The following C10orf71 variants were observed in gnomAD, a reference collection of about 807,000 sequenced individuals.
C10orf71 encodes cardiac-enriched FHL2-interacting protein.
For missense variants in C10orf71, 1,869 were observed against 1,804.5 expected (o/e 1.04, Z -0.65); for synonymous variants, 758 against 726.3 (o/e 1.04, Z -0.70).
Position 49,325,112 on chromosome 10 carries a change from C to A in C10orf71, c.2567C>A (p.Thr856Lys). ...SSASNRHMLFTIKDNTLRATP... is the reference protein window; with the variant it reads ...SSASNRHMLFKIKDNTLRATP... The stretch of plus-strand genomic sequence containing the variant: ...GCTTCAAACAGGCACATGCTGTTTA[C>A]GATTAAAGACAACACCCTCAGAGCT... Residue 856 changes from threonine to lysine, a missense_variant, in exon 3 of 3, where the codon ACG becomes AAG. Coordinates refer to ENST00000374144, the MANE Select transcript of C10orf71 (RefSeq NM_001135196.2). 1 of 1,552,030 alleles carries A rather than the reference C, an allele frequency of 6.4e-7. No individual in the cohort carries two copies.
In C10orf71 at chr10:49,327,095, C is replaced by T; in HGVS notation, c.*242C>T. 1 of 1,407,526 alleles carries T rather than the reference C, an allele frequency of 7.1e-7. No individual in the cohort carries two copies. Among genetic ancestry groups the T allele is most frequent in the Non-Finnish European group, 9.5e-7 (1 of 1,052,634 alleles). The allele number at this position is 1,407,526 out of a possible 1,614,324, so 87.2% of individuals were successfully genotyped here. On this transcript the variant is annotated 3_prime_UTR_variant, in exon 3 of 3. Transcript: ENST00000374144. ...GGCACTGCTTGCTTGGCCCGGTCCC[C>T]TCCGTGCCAGTTCCCAGGCGCACTC...
chr10:49,327,085 G>T lies in C10orf71; in HGVS notation c.*232G>T. ...CTGATGGAGGGGCACTGCTTGCTTG[G>T]CCCGGTCCCCTCCGTGCCAGTTCCC... On this transcript the variant is annotated 3_prime_UTR_variant, in exon 3 of 3. Transcript: ENST00000374144. The T allele has an allele frequency of 6.9e-7, 1 of 1,453,672 alleles. No homozygotes were observed. The highest frequency in any genetic ancestry group is 9.2e-7 in the Non-Finnish European group (1 of 1,084,884). The allele number at this position is 1,453,672 out of a possible 1,614,324, so 90.0% of individuals were successfully genotyped here. A position where few individuals can be genotyped will look rare whatever the true frequency, so the allele number is the denominator to read the frequency against.
chr10:49,325,371 G>A lies in C10orf71; in HGVS notation c.2826G>A (p.Ser942=), dbSNP rs752544379. 6 of 1,551,580 alleles carry A rather than the reference G, an allele frequency of 3.9e-6. No individual in the cohort carries two copies. The highest frequency in any genetic ancestry group is 1.4e-5 in the African/African-American group (1 of 73,058). Reference sequence around the variant, plus strand: ...TCATGGAGGACCCTGGGCAGGGGTCGAGCATGGCCAGGATGGAGGCCTCTC... The same window carrying A: ...TCATGGAGGACCCTGGGCAGGGGTCAAGCATGGCCAGGATGGAGGCCTCTC... ...NEVMEDPGQG[S]SMARMEASQP... Residue 942 remains serine (S), a synonymous_variant, in exon 3 of 3, where the codon TCG becomes TCA. Coordinates refer to ENST00000374144, the MANE Select transcript of C10orf71 (RefSeq NM_001135196.2).
In C10orf71 at chr10:49,326,989, T is replaced by C. The variant is rs746901283; in HGVS notation, c.*136T>C. The C allele has an allele frequency of 5.1e-6, 8 of 1,556,392 alleles. No individual in the cohort carries two copies. In the African/African-American group the frequency reaches 1.2e-4, roughly 23 times the overall value. On this transcript the variant is annotated 3_prime_UTR_variant, in exon 3 of 3. Coordinates refer to ENST00000374144, the MANE Select transcript of C10orf71 (RefSeq NM_001135196.2). ...ATCATCAACACATACTTAGCCTTTT[T>C]AGATCCATAAAGTCCAGAAGGCAGT... is the stretch of plus-strand genomic sequence containing the variant.
At chr10:49,309,720 C>T (rs1236582204) in intron 1 of C10orf71, among the ~76,000 whole-genome samples, 2 of 152,218 alleles carry the variant, frequency 1.3e-5, no homozygotes, top group Middle Eastern at 3.4e-3. Context: ...GGATGGAGGA[C>T]CATCTGTGAG....
chr10:49,315,969 T>C (rs935043860), intron 1 of C10orf71, among the ~76,000 whole-genome samples, 176 bp from the exon 2 acceptor site: 7 of 152,256 alleles, frequency 4.6e-5, no homozygotes, highest in Middle Eastern at 3.4e-3. Context: ...GGAAGGAGAA[T>C]TGCTTGAACC....
chr10:49,317,487 G>A (rs114462551), intron 2 of C10orf71, among the ~76,000 whole-genome samples: 111 of 152,346 alleles, frequency 7.3e-4, no homozygotes, highest in African/African-American at 2.6e-3. Flanking sequence ...GGCTGTTACA[G>A]ACGTATTGTA....
intron 1 of C10orf71, among the ~76,000 whole-genome samples, chr10:49,315,384 T>C (rs1848982669): frequency 1.3e-5 from 2 of 152,152 alleles, no homozygotes; most frequent in Non-Finnish European, 2.9e-5. Flanking sequence ...GGGCAGCTTT[T>C]TGGTTCTTTT....
At position 49,322,679 on chromosome 10, in the gene C10orf71, A is replaced by G. The variant is rs151171891; in HGVS notation, c.134A>G (p.Asp45Gly). Reference sequence around the variant, plus strand: ...TTCCGGAGTTTGTGCATCTCCGAGGACACATCCTTCCATGACTCCTATCTG... The same window carrying G: ...TTCCGGAGTTTGTGCATCTCCGAGGGCACATCCTTCCATGACTCCTATCTG... Reference protein sequence around the residue: ...RAFRSLCISEDTSFHDSYLAV... With the variant: ...RAFRSLCISEGTSFHDSYLAV... The change falls in exon 3 of 3, where the codon GAC becomes GGC. Residue 45 changes from aspartate to glycine, a missense_variant. Coordinates refer to ENST00000374144, the MANE Select transcript of C10orf71 (RefSeq NM_001135196.2). 8.5e-3 allele frequency: 13,678 copies of G among 1,613,852 alleles called. 80 individuals carry two copies. Among genetic ancestry groups the G allele is most frequent in the Non-Finnish European group, 0.011 (12,496 of 1,179,816 alleles).
At chr10:49,303,511 C>T (rs1316217217) in intron 1 of C10orf71, among the ~76,000 whole-genome samples, 4 of 152,172 alleles carry the variant, frequency 2.6e-5, no homozygotes, top group Non-Finnish European at 5.9e-5. Flanking sequence ...GTCTCAGGGC[C>T]AGCAGATCTC....
intron 1 of C10orf71, among the ~76,000 whole-genome samples, chr10:49,302,072 A>G (rs1349609528): frequency 6.6e-6 from 1 of 152,076 alleles, no homozygotes; most frequent in Non-Finnish European, 1.5e-5. Context: ...GATATCTCCC[A>G]CCTCAAAGCC....
chr10:49,320,056 A>G (rs1020142545), intron 2 of C10orf71, among the ~76,000 whole-genome samples: 9 of 152,144 alleles, frequency 5.9e-5, no homozygotes, highest in African/African-American at 2.2e-4. Context: ...CTGGAGATTG[A>G]TTGCATGAAC....
At chr10:49,301,777 C>G (rs926117803) in intron 1 of C10orf71, among the ~76,000 whole-genome samples, 1 of 152,218 alleles carries the variant, frequency 6.6e-6, no homozygotes, top group African/African-American at 2.4e-5. Flanking sequence ...ATCCCAACAA[C>G]CAATCAACCA....
chr10:49,322,045 T>C (rs1364658366), intron 2 of C10orf71, among the ~76,000 whole-genome samples: 1 of 152,230 alleles, frequency 6.6e-6, no homozygotes, highest in Non-Finnish European at 1.5e-5. Context: ...TTGTGATTGT[T>C]TCCCTTGCTG....
At chr10:49,314,356 T>C (rs552928959) in intron 1 of C10orf71, among the ~76,000 whole-genome samples, 1 of 152,344 alleles carries the variant, frequency 6.6e-6, no homozygotes, top group Admixed American at 6.5e-5. Flanking sequence ...GTTTAAAACA[T>C]GGCCCTGCCA....
Position 49,326,177 on chromosome 10 carries a change from C to T in C10orf71, c.3632C>T (p.Pro1211Leu). ...HGESQEGKPC[P>L]EDLEQTQQRP... ...GAGTCACAGGAGGGAAAGCCCTGCCCGGAGGACTTGGAGCAGACACAGCAA... is the reference window on the plus strand; with the variant it reads ...GAGTCACAGGAGGGAAAGCCCTGCCTGGAGGACTTGGAGCAGACACAGCAA... The change falls in exon 3 of 3, where the codon CCG becomes CTG. Residue 1211 changes from proline to leucine, a missense_variant. Coordinates refer to ENST00000374144, the MANE Select transcript of C10orf71 (RefSeq NM_001135196.2). The T allele has an allele frequency of 1.3e-6, 2 of 1,551,572 alleles. No individual in the cohort carries two copies. The highest frequency in any genetic ancestry group is 2.4e-5 in the East Asian group (1 of 40,900).
intron 1 of C10orf71, among the ~76,000 whole-genome samples, chr10:49,303,624 C>A (rs1357414069): frequency 1.3e-5 from 2 of 152,176 alleles, no homozygotes; most frequent in Non-Finnish European, 2.9e-5. Context: ...AAGGGGCTGG[C>A]GCTGTTCTCA....
intron 1 of C10orf71, among the ~76,000 whole-genome samples, chr10:49,312,527 G>T (rs1226910218): frequency 6.6e-6 from 1 of 152,224 alleles, no homozygotes; most frequent in Non-Finnish European, 1.5e-5. Flanking sequence ...CAGAGCCCCA[G>T]GTAATGTACT....
At chr10:49,303,235 G>T (rs1242205867) in intron 1 of C10orf71, among the ~76,000 whole-genome samples, 1 of 152,106 alleles carries the variant, frequency 6.6e-6, no homozygotes, top group Non-Finnish European at 1.5e-5. Context: ...ACCACACATG[G>T]TGACCACCTC....
Sources: allele counts gnomAD v4.1 joint callset (sites outside exome capture counted in the v4.1 genomes callset), GRCh38; gene constraint gnomAD v4.1.1; transcripts MANE v1.5; gene names NCBI Gene and HGNC (gene_info 2026-07-23, HGNC 2026-07-21).